TGFA: variants seen among roughly 807,000 people sequenced by gnomAD.
TGFA encodes the protein protransforming growth factor alpha.
A neutral mutation model predicts 21.7 loss-of-function variants in TGFA; 12 were observed. The observed-to-expected ratio is 0.55, with a 90% CI of 0.35 to 0.90. The LOEUF (loss-of-function observed/expected upper bound fraction) is 0.90, where lower values mean the gene tolerates loss of function less well. Among genes scored for constraint, TGFA ranks in the 40% least tolerant of loss-of-function variants. The pLI is 0.01. For missense variants in TGFA, 178 were observed against 210.8 expected (o/e 0.84, Z 0.96); for synonymous variants, 79 against 88.1 (o/e 0.90, Z 0.58).
chr2:70,514,703 C>T (rs1054697127), intron 2 of TGFA, among the ~76,000 whole-genome samples, 156 bp downstream of exon 2: 17 of 152,066 alleles, frequency 1.1e-4, no homozygotes, highest in Admixed American at 8.5e-4. Context: ...TTCCAGTGAG[C>T]GCCTCCTCGC....
chr2:70,496,486 A>C (rs1367645828), intron 2 of TGFA, among the ~76,000 whole-genome samples: 3 of 152,204 alleles, frequency 2.0e-5, no homozygotes. Flanking sequence ...AAAGAGGCAA[A>C]AACTTAATAT....
chr2:70,470,081 A>G (rs1238053659), intron 2 of TGFA, among the ~76,000 whole-genome samples: 1 of 152,016 alleles, frequency 6.6e-6, no homozygotes, highest in African/African-American at 2.4e-5. Context: ...GGACATAAAA[A>G]GGAAGAAGGA....
chr2:70,490,363 C>T (rs77607576), intron 2 of TGFA, among the ~76,000 whole-genome samples: 9,119 of 152,202 alleles, frequency 0.06, 334 homozygotes, highest in Middle Eastern at 0.13. Context: ...CTAATTAAAA[C>T]AAAACCTCCT....
intron 2 of TGFA, among the ~76,000 whole-genome samples, chr2:70,491,410 T>C (rs1001230130): frequency 7.2e-5 from 11 of 152,190 alleles, no homozygotes; most frequent in African/African-American, 2.4e-4. Context: ...CAGCTTGGTA[T>C]GATTCAGAAG....
chr2:70,528,621 C>A (rs1311502068), intron 1 of TGFA, among the ~76,000 whole-genome samples: 4 of 152,146 alleles, frequency 2.6e-5, no homozygotes, highest in Non-Finnish European at 4.4e-5. Flanking sequence ...AAGCCAGTAT[C>A]CTGGTTTTAG....
At chr2:70,472,998 G>T (rs994836769) in intron 2 of TGFA, among the ~76,000 whole-genome samples, 1 of 152,194 alleles carries the variant, frequency 6.6e-6, no homozygotes, top group East Asian at 1.9e-4. Context: ...TAGGAGAAAA[G>T]GCAGTAGATT....
rs1673307745 is a variant in TGFA at position 70,546,482 on chromosome 2, C to CATT, written c.40+7245_40+7246insAAT. 5.3e-5 allele frequency among the ~76,000 whole-genome samples: 8 copies of CATT among 151,780 alleles called. No individual in the cohort carries two copies. In the South Asian group the frequency reaches 1.7e-3, roughly 32 times the overall value. On this transcript the variant is annotated intron_variant, in intron 1 of 5. Coordinates refer to ENST00000295400, the MANE Select transcript of TGFA (RefSeq NM_003236.4). ...TCCCTCTCTCCATCCCAATGAAAAA[C>CATT]CTTATTATTATTATTTTTGTTTTGA...
At position 70,532,029 on chromosome 2, in the gene TGFA, T is replaced by A. The variant is rs428225; in HGVS notation, c.41-17117A>T. ...ACTACAAAATGAAAGTGGATTCTTT[T>A]CCCCCCAGTATAAGGGAGGCAGTAC... On this transcript the variant is annotated intron_variant, in intron 1 of 5. Coordinates refer to ENST00000295400, the MANE Select transcript of TGFA (RefSeq NM_003236.4). Among the ~76,000 whole-genome samples, 20 of 152,054 alleles carry A rather than the reference T, an allele frequency of 1.3e-4. 1 individual carries two copies.
intron 1 of TGFA, among the ~76,000 whole-genome samples, chr2:70,527,984 C>G (rs1672690747): frequency 6.6e-6 from 1 of 152,204 alleles, no homozygotes; most frequent in Admixed American, 6.5e-5. Context: ...GATGAGCAGC[C>G]TTGTACGGAG....
At chr2:70,514,985 C>T in intron 1 of TGFA, 73 bp from the exon 2 acceptor site, 2 of 1,454,220 alleles carry the variant, frequency 1.4e-6, no homozygotes, top group Non-Finnish European at 1.9e-6. Flanking sequence ...GCTTAGAGGG[C>T]AGGCCCTTTG....
At chr2:70,468,938 G>C (rs1037100088) in intron 2 of TGFA, among the ~76,000 whole-genome samples, 12 of 152,216 alleles carry the variant, frequency 7.9e-5, no homozygotes, top group Non-Finnish European at 1.6e-4. Flanking sequence ...CCAAGTCTGT[G>C]GAAAAATTGT....
intron 2 of TGFA, among the ~76,000 whole-genome samples, chr2:70,486,486 C>CT (rs61448010): frequency 0.062 from 9,344 of 151,336 alleles, 360 homozygotes; most frequent in Middle Eastern, 0.13. Flanking sequence ...TGTTGTTTGT[C>CT]TTTTTTTTTG....
At chr2:70,452,105 A>C (rs3771521) in intron 5 of TGFA, among the ~76,000 whole-genome samples, 41,982 of 152,096 alleles carry the variant, frequency 0.28, 5,966 homozygotes, top group African/African-American at 0.3. Flanking sequence ...AGCCTCCCAG[A>C]AGCCTTCCTC....
intron 3 of TGFA, among the ~76,000 whole-genome samples, chr2:70,464,871 C>T (rs1431845742): frequency 2.0e-5 from 3 of 152,208 alleles, no homozygotes; most frequent in Admixed American, 2.0e-4. Context: ...GGAACAACCT[C>T]TCTACTCCCC....
intron 1 of TGFA, chr2:70,553,411 G>T (rs1673577635): frequency 6.9e-7 from 1 of 1,441,772 alleles, no homozygotes; most frequent in Non-Finnish European, 9.0e-7. Context: ...GTAGGTGTAG[G>T]CATGTGTCTG....
At chr2:70,493,224 G>A (rs1412814543) in intron 2 of TGFA, among the ~76,000 whole-genome samples, 1 of 152,190 alleles carries the variant, frequency 6.6e-6, no homozygotes, top group Admixed American at 6.5e-5. Flanking sequence ...GTTTCCTTCA[G>A]CAGCACTGAC....
intron 4 of TGFA, among the ~76,000 whole-genome samples, chr2:70,454,783 G>T (rs1176451168): frequency 6.6e-6 from 1 of 152,216 alleles, no homozygotes; most frequent in Non-Finnish European, 1.5e-5. Flanking sequence ...AGGGACACAG[G>T]AGTTGGGACT....
chr2:70,464,917 C>T (rs1553491941), intron 3 of TGFA, among the ~76,000 whole-genome samples: 1 of 152,188 alleles, frequency 6.6e-6, no homozygotes. Context: ...CTCTGGGAAG[C>T]TTTCTTCGAG....
chr2:70,530,841 GGTACCAGAGCACGT>G (rs1281931936), intron 1 of TGFA, among the ~76,000 whole-genome samples: 4 of 152,240 alleles, frequency 2.6e-5, no homozygotes, highest in Admixed American at 6.5e-5. Flanking sequence ...GTGCTGGCCT[GGTACCAGAGCACGT>G]GCAAGCTGCA....
Sources: gnomAD v4.1 joint callset for allele counts (sites outside exome capture counted in the v4.1 genomes callset) on GRCh38, gnomAD v4.1.1 for gene constraint, MANE v1.5 for transcripts, NCBI Gene and HGNC (gene_info 2026-07-23, HGNC 2026-07-21) for gene names.